Variants in CES1 observed in about 807,000 individuals in gnomAD.
The protein encoded by CES1 is liver carboxylesterase 1.
CES1 carries 50 observed loss-of-function variants against 53.0 expected under a neutral mutation model. The ratio of observed to expected loss-of-function variants is 0.94; its 90% CI spans 0.75 to 1.19. The LOEUF (loss-of-function observed/expected upper bound fraction) is 1.19, where lower values mean the gene tolerates loss of function less well. Ranked by LOEUF, CES1 falls within the 50% of genes most tolerant of loss-of-function variation. The pLI is 0.00. For synonymous variants in CES1, 202 were observed against 210.1 expected (o/e 0.96, Z 0.33); for missense variants, 534 against 538.0 (o/e 0.99, Z 0.07).
chr16:55,827,248 C>G (rs1352004743), intron 2 of CES1, among the ~76,000 whole-genome samples: 6 of 146,026 alleles, frequency 4.1e-5, no homozygotes, highest in Non-Finnish European at 9.0e-5. Flanking sequence ...GGGAAATTTT[C>G]CTAAGATCAC....
intron 1 of CES1, among the ~76,000 whole-genome samples, chr16:55,829,560 CAG>C (rs1436971513): frequency 9.8e-5 from 15 of 152,328 alleles, no homozygotes; most frequent in Admixed American, 2.0e-4. Flanking sequence ...TGGTACACAG[CAG>C]AGAGAAGGGA....
Position 55,821,525 on chromosome 16 carries a change from T to C in CES1, c.540-4A>G, listed in dbSNP as rs1274548763. 1.2e-6 allele frequency: 2 copies of C among 1,613,920 alleles called. No homozygotes were observed. The highest frequency in any genetic ancestry group is 1.7e-6 in the Non-Finnish European group (2 of 1,180,016). Reference sequence around the variant, plus strand: ...CCGGCTGTGTTCATCCCCTGTGCTGTGAGGAAGAGAACAGGTTGAGGGTGG... The same window carrying C: ...CCGGCTGTGTTCATCCCCTGTGCTGCGAGGAAGAGAACAGGTTGAGGGTGG... On this transcript the variant is annotated splice_region_variant and splice_polypyrimidine_tract_variant and intron_variant, in intron 4 of 13. Coordinates refer to ENST00000360526, the MANE Select transcript of CES1 (RefSeq NM_001025195.2).
At chr16:55,830,852 G>A (rs187804541) in intron 1 of CES1, among the ~76,000 whole-genome samples, 146 of 126,244 alleles carry the variant, frequency 1.2e-3, no homozygotes, top group Middle Eastern at 4.5e-3. Flanking sequence ...GCAGGCAAGT[G>A]GGAGTGAGGG....
intron 4 of CES1, among the ~76,000 whole-genome samples, chr16:55,823,113 C>T (rs1448356997): frequency 6.6e-6 from 1 of 151,968 alleles, no homozygotes; most frequent in African/African-American, 2.4e-5. Context: ...ATTCCTTCAC[C>T]CACAACATGC....
In CES1 at chr16:55,828,839, G is replaced by A. The variant is rs1450297226; in HGVS notation, c.188C>T (p.Pro63Leu). 1.7e-5 allele frequency: 28 copies of A among 1,614,182 alleles called. No individual in the cohort carries two copies. The Admixed American group carries it at 3.3e-4, about 19-fold the overall frequency. The change falls in exon 2 of 14, where the codon CCC (proline) becomes CTC (leucine). Residue 63 changes from proline (P) to leucine (L), a missense_variant. Physicochemically the swap from Pro to Leu is moderately conservative, Grantham distance 98 (BLOSUM62 -3). Coordinates refer to ENST00000360526, the MANE Select transcript of CES1 (RefSeq NM_001025195.2). ...GIPFAKPPLG[P>L]LRFTPPQPAE... ...AGGCTGCGGTGGAGTAAACCTCAGGGGTCCAAGAGGCGGCTTGGCAAAAGG... is the reference window on the plus strand; with the variant it reads ...AGGCTGCGGTGGAGTAAACCTCAGGAGTCCAAGAGGCGGCTTGGCAAAAGG...
intron 8 of CES1, among the ~76,000 whole-genome samples, chr16:55,815,450 T>C (rs1451099242): frequency 6.6e-6 from 1 of 152,152 alleles, no homozygotes; most frequent in African/African-American, 2.4e-5. Flanking sequence ...AGCACCTCAG[T>C]TGGGTGACAG....
intron 1 of CES1, among the ~76,000 whole-genome samples, chr16:55,831,332 C>A (rs369616432): frequency 6.6e-6 from 1 of 151,678 alleles, no homozygotes; most frequent in Non-Finnish European, 1.5e-5. Flanking sequence ...GAGAAGAAAC[C>A]ACTGGGCTGG....
chr16:55,810,961 G>A lies in CES1; in HGVS notation c.1136C>T (p.Ala379Val), dbSNP rs766335330. ...ATAGGACTTCCACAGGAGTGACATG[G>A]CTGTCTTCTGGTCCAGTTGCCCTTC... ...LSEGQLDQKT[A>V]MSLLWKSYPL... is the part of the protein sequence containing the mutation. Residue 379 changes from alanine to valine, a missense_variant, in exon 10 of 14, where the codon GCC becomes GTC. Ala to Val is a moderately conservative substitution (Grantham distance 64). Coordinates refer to ENST00000360526, the MANE Select transcript of CES1 (RefSeq NM_001025195.2). 2 of 1,613,680 alleles carry A rather than the reference G, an allele frequency of 1.2e-6. No homozygotes were observed. The highest frequency in any genetic ancestry group is 3.3e-5 in the Admixed American group (2 of 59,990).
chr16:55,825,153 G>A (rs1597086518), intron 3 of CES1, among the ~76,000 whole-genome samples: 1 of 151,574 alleles, frequency 6.6e-6, no homozygotes, highest in African/African-American at 2.4e-5. Context: ...CTGTGTATAT[G>A]GGGCACTGAG....
chr16:55,814,885 A>G (rs1388216007), intron 8 of CES1, among the ~76,000 whole-genome samples: 1 of 152,232 alleles, frequency 6.6e-6, no homozygotes, highest in Non-Finnish European at 1.5e-5. Flanking sequence ...CTGACAATGA[A>G]GAACAGGATT....
rs79067820 is a variant in CES1, at chr16:55,828,940, G to A, written c.87C>T (p.Thr29=). Residue 29 remains threonine (T), a synonymous_variant, in exon 2 of 14, where the codon ACC becomes ACT. Transcript: ENST00000360526. ...GHPSSPPVVD[T]VHGKVLGKFV... is the part of the protein sequence containing the mutation. ...ACTTCCCCAGCACTTTGCCATGCACGGTGTCCACCACAGGTGGCGAGGACG... is the reference window on the plus strand; with the variant it reads ...ACTTCCCCAGCACTTTGCCATGCACAGTGTCCACCACAGGTGGCGAGGACG... 314 of 1,613,232 alleles carry A rather than the reference G, an allele frequency of 1.9e-4. No homozygotes were observed. The Middle Eastern group carries it at 2.0e-3, about 10-fold the overall frequency.
intron 8 of CES1, among the ~76,000 whole-genome samples, chr16:55,813,922 C>CG (rs1348982042): frequency 6.6e-6 from 1 of 152,216 alleles, no homozygotes; most frequent in Non-Finnish European, 1.5e-5. Context: ...TCAGATGGAA[C>CG]ATGCCCATCA....
chr16:55,832,284 C>T (rs1362456300), intron 1 of CES1, among the ~76,000 whole-genome samples: 1 of 152,194 alleles, frequency 6.6e-6, no homozygotes, highest in African/African-American at 2.4e-5. Flanking sequence ...TTGTGCCCCG[C>T]GCACTGGTGT....
intron 7 of CES1, among the ~76,000 whole-genome samples, chr16:55,819,099 T>A (rs1182630957): frequency 6.6e-6 from 1 of 152,202 alleles, no homozygotes; most frequent in African/African-American, 2.4e-5. Context: ...ACTGAGTCAG[T>A]CTCAGAAAAT....
At chr16:55,816,359 T>A (rs1282156050) in intron 8 of CES1, among the ~76,000 whole-genome samples, 10 of 152,252 alleles carry the variant, frequency 6.6e-5, no homozygotes, top group Non-Finnish European at 1.5e-4. Context: ...CATGACCATT[T>A]AGGAGAGTGC....
intron 9 of CES1, among the ~76,000 whole-genome samples, chr16:55,812,643 C>A (rs905804659): frequency 6.6e-6 from 1 of 152,146 alleles, no homozygotes; most frequent in African/African-American, 2.4e-5. Context: ...TCTCTACTGG[C>A]CCTCCCAGCA....
chr16:55,808,409 T>C (rs1348321126), intron 11 of CES1, among the ~76,000 whole-genome samples: 1 of 152,264 alleles, frequency 6.6e-6, no homozygotes, highest in Non-Finnish European at 1.5e-5. Context: ...GGGCTAGTCA[T>C]GGAGGACATG....
At chr16:55,820,052 G>T in intron 6 of CES1, 1 of 572,562 alleles carries the variant, frequency 1.7e-6, no homozygotes, top group Non-Finnish European at 3.2e-6. Context: ...ATGGCACCAG[G>T]CCCTGGCACA....
At chr16:55,827,968 G>C (rs1376313297) in intron 2 of CES1, 1 of 152,122 alleles carries the variant, frequency 6.6e-6, no homozygotes, top group South Asian at 2.1e-4. Context: ...TCCTTTCTCT[G>C]TATTTCCTAA....
Sources: gnomAD v4.1 joint callset for allele counts (sites outside exome capture counted in the v4.1 genomes callset) on GRCh38, gnomAD v4.1.1 for gene constraint, MANE v1.5 for transcripts, NCBI Gene and HGNC (gene_info 2026-07-23, HGNC 2026-07-21) for gene names.